Variants in CELSR1 observed in about 807,000 individuals in gnomAD.
CELSR1 encodes cadherin EGF LAG seven-pass G-type receptor 1.
A neutral mutation model predicts 249.1 loss-of-function variants in CELSR1; 110 were observed. The ratio of observed to expected loss-of-function variants is 0.44; its 90% CI spans 0.38 to 0.52. The LOEUF (loss-of-function observed/expected upper bound fraction) is 0.52, where lower values mean the gene tolerates loss of function less well. Among genes scored for constraint, CELSR1 ranks in the 20% least tolerant of loss-of-function variants. The probability of loss-of-function intolerance (pLI) is 0.00; values close to 1 mark genes in which losing one functional copy is unlikely to be tolerated. For synonymous variants in CELSR1, 2,113 were observed against 1,900.0 expected, an observed-to-expected ratio of 1.11 and a Z score of -2.92; for missense variants, 4,109 against 4,296.4, an observed-to-expected ratio of 0.96 and a Z score of 1.22.
In CELSR1 at chr22:46,390,615, C is replaced by A. The variant is rs2079079907; in HGVS notation, c.6251-129G>T. On this transcript the variant is annotated intron_variant, in intron 16 of 34. Transcript: ENST00000674500. The surrounding 1 kb of genome is among the most constrained non-coding windows in gnomAD (Gnocchi z 6.3). ...GTGGTGGTTAGAACCCCATGGGGGC[C>A]AGGAGGTCGACACCAGCGCCCCTCT... 3 of 702,240 alleles carry A rather than the reference C, an allele frequency of 4.3e-6. No individual in the cohort carries two copies. Among genetic ancestry groups the A allele is most frequent in the Non-Finnish European group, 7.0e-6 (3 of 426,534 alleles). 43.5% of individuals were successfully genotyped at this position (702,240 alleles called of 1,614,324 possible). A position where few individuals can be genotyped will look rare whatever the true frequency, so the allele number is the denominator to read the frequency against.
At chr22:46,389,666 A>T (rs2079068440) in intron 17 of CELSR1, among the ~76,000 whole-genome samples, 167 bp from the exon 18 acceptor site, 1 of 152,276 alleles carries the variant, frequency 6.6e-6, no homozygotes, top group Non-Finnish European at 1.5e-5. Flanking sequence ...CTGTAATCCC[A>T]GCACTTTGGG....
intron 1 of CELSR1, among the ~76,000 whole-genome samples, chr22:46,499,707 T>C (rs944448899): frequency 1.8e-4 from 28 of 152,300 alleles, no homozygotes; most frequent in African/African-American, 6.5e-4. Flanking sequence ...TTTCTCAAAC[T>C]GTATCGAGGC....
chr22:46,409,156 G>A lies in CELSR1; in HGVS notation c.5066C>T (p.Pro1689Leu), dbSNP rs2147324820. The change falls in exon 9 of 35, where the codon CCT (proline) becomes CTT (leucine). Residue 1689 changes from proline to leucine, a missense_variant. Pro to Leu is a moderately conservative substitution (Grantham distance 98). This residue lies in a region of CELSR1 where 453 missense variants were observed against 492.0 expected (regional missense o/e 0.92). Transcript: ENST00000674500. This position sits in a 1 kb window ranked among gnomAD's most constrained non-coding sequence, Gnocchi z 9.8. Reference sequence around the variant, plus strand: ...CTCACCGCTGAAGAGCTGGGGGTGAGGCATGGCTGCGGACACAGGCCCAGG... The same window carrying A: ...CTCACCGCTGAAGAGCTGGGGGTGAAGCATGGCTGCGGACACAGGCCCAGG... ...FGGKNCEQAMPHPQLFSGESV... is the reference protein window; with the variant it reads ...FGGKNCEQAMLHPQLFSGESV... 1 of 1,612,912 alleles carries A rather than the reference G, an allele frequency of 6.2e-7. No homozygotes were observed. The highest frequency in any genetic ancestry group is 8.5e-7 in the Non-Finnish European group (1 of 1,179,624).
In CELSR1 at chr22:46,408,106, C is replaced by T. The variant is rs761301520; in HGVS notation, c.5226+890G>A. On this transcript the variant is annotated intron_variant, in intron 9 of 34. Coordinates refer to ENST00000674500, the MANE Select transcript of CELSR1 (RefSeq NM_001378328.1). The surrounding 1 kb of genome is among the most constrained non-coding windows in gnomAD (Gnocchi z 4.6). Reference sequence around the variant, plus strand: ...GAGCATGGAAGATGCGAGCAGAAACCGTGTGGCGCAGAAAACCGGAGGAAA... The same window carrying T: ...GAGCATGGAAGATGCGAGCAGAAACTGTGTGGCGCAGAAAACCGGAGGAAA... Among the ~76,000 whole-genome samples the T allele has an allele frequency of 6.6e-6, 1 of 152,232 alleles. No individual in the cohort carries two copies. Among genetic ancestry groups the T allele is most frequent in the Admixed American group, 6.5e-5 (1 of 15,282 alleles).
intron 1 of CELSR1, among the ~76,000 whole-genome samples, chr22:46,469,999 G>GA (rs1351904268): frequency 3.0e-5 from 4 of 134,724 alleles, no homozygotes; most frequent in Admixed American, 7.3e-5. Flanking sequence ...AGGGAGGGAG[G>GA]GAGAGGCAAA....
In CELSR1 at chr22:46,448,710, C is replaced by A; in HGVS notation, c.4184-9299G>T. 3.3e-6 allele frequency: 1 copy of A among 306,488 alleles called. No individual in the cohort carries two copies. Among genetic ancestry groups the A allele is most frequent in the South Asian group, 2.8e-5 (1 of 36,304 alleles). The allele number at this position is 306,488 out of a possible 1,614,324, so 19.0% of individuals were successfully genotyped here. On this transcript the variant is annotated intron_variant, in intron 2 of 34. Transcript: ENST00000674500. The surrounding 1 kb of genome is among the most constrained non-coding windows in gnomAD (Gnocchi z 5.7). ...GAGAACAAGGAGTGAGTGGAAGGGC[C>A]CGGGAACAGGAACACAGGGCAATTT...
In CELSR1 at chr22:46,535,037, G is replaced by A. The variant is rs192865476; in HGVS notation, c.2134C>T (p.Arg712Cys). 76 of 1,612,374 alleles carry A rather than the reference G, an allele frequency of 4.7e-5. No individual in the cohort carries two copies. In the East Asian group the frequency reaches 5.1e-4, roughly 11 times the overall value. ...VGSSVLTLQA[R>C]DRDANSVITY... Reference sequence around the variant, plus strand: ...ATCACACTGTTGGCGTCACGGTCGCGGGCCTGCAGGGTCAGCACGCTGCTC... The same window carrying A: ...ATCACACTGTTGGCGTCACGGTCGCAGGCCTGCAGGGTCAGCACGCTGCTC... Residue 712 changes from arginine to cysteine, a missense_variant, in exon 1 of 35, where the codon CGC becomes TGC. Arg to Cys is a radical substitution (Grantham distance 180). Around this residue, in one of 7 missense-constraint regions of CELSR1, gnomAD observed 886 missense variants for 896.5 expected, o/e 0.99. Coordinates refer to ENST00000674500, the MANE Select transcript of CELSR1 (RefSeq NM_001378328.1).
intron 2 of CELSR1, among the ~76,000 whole-genome samples, chr22:46,456,525 T>C (rs939780965): frequency 5.9e-5 from 9 of 151,730 alleles, no homozygotes; most frequent in East Asian, 1.9e-4. Flanking sequence ...TAGCCAGGCG[T>C]GGTGGTGGGC....
chr22:46,439,887 G>A lies in CELSR1; in HGVS notation c.4184-476C>T, dbSNP rs957299550. Among the ~76,000 whole-genome samples the A allele has an allele frequency of 2.0e-5, 3 of 152,038 alleles. No individual in the cohort carries two copies. In the South Asian group the frequency reaches 6.2e-4, roughly 32 times the overall value. On this transcript the variant is annotated intron_variant, in intron 2 of 34. Coordinates refer to ENST00000674500, the MANE Select transcript of CELSR1 (RefSeq NM_001378328.1). ...CATGCTGCCATCACATGACCCAAAG[G>A]CCACCTTCTGAGCAGGCCACCTGCC...
At chr22:46,367,147 T>C in intron 28 of CELSR1, 29 bp from the exon 29 acceptor site, 1 of 1,603,476 alleles carries the variant, frequency 6.2e-7, no homozygotes, top group Non-Finnish European at 8.5e-7. Flanking sequence ...GGTCAGCACC[T>C]GCTGCTGCCT....
Position 46,433,354 on chromosome 22 carries a change from C to T in CELSR1, c.4611+39G>A, listed in dbSNP as rs759715973. 29 of 1,553,902 alleles carry T rather than the reference C, an allele frequency of 1.9e-5. No individual in the cohort carries two copies. Among genetic ancestry groups the T allele is most frequent in the South Asian group, 1.0e-4 (9 of 88,834 alleles). On this transcript the variant is annotated intron_variant, in intron 5 of 34. Transcript: ENST00000674500. The surrounding 1 kb of genome is among the most constrained non-coding windows in gnomAD (Gnocchi z 5.7). ...CTCGCCCCAGGGCACCTTCTCGAGC[C>T]GCCCTGGGGCCAGGGGGAAGTGGTG...
intron 5 of CELSR1, among the ~76,000 whole-genome samples, chr22:46,431,812 G>A (rs2079598960): frequency 1.3e-5 from 2 of 152,326 alleles, no homozygotes; most frequent in South Asian, 2.1e-4. Context: ...AAATAAATCC[G>A]CGTCTGTGAG....
chr22:46,363,994 A>C lies in CELSR1; in HGVS notation c.9035+2T>G. ...CCCGCCCTGGAGGCCCAGGCTACTC[A>C]CTCAGAGTCGGAGCCATCGGCCTGG... is the stretch of plus-strand genomic sequence containing the variant. On this transcript the variant is annotated splice_donor_variant, in intron 34 of 34. Transcript: ENST00000674500. LOFTEE classifies it high-confidence loss of function. The surrounding 1 kb of genome is among the most constrained non-coding windows in gnomAD (Gnocchi z 4.3). The C allele has an allele frequency of 6.3e-7, 1 of 1,597,430 alleles. No homozygotes were observed. Among genetic ancestry groups the C allele is most frequent in the Non-Finnish European group, 8.5e-7 (1 of 1,173,060 alleles).
intron 1 of CELSR1, among the ~76,000 whole-genome samples, chr22:46,531,047 T>A (rs879900796): frequency 2.0e-5 from 3 of 152,202 alleles, no homozygotes; most frequent in Non-Finnish European, 4.4e-5. Flanking sequence ...TCCAGATAAT[T>A]CAAGGGCTGA....
rs1348212284 is a variant in CELSR1 at position 46,374,162 on chromosome 22, C to T, written c.7585-1105G>A. On this transcript the variant is annotated intron_variant, in intron 24 of 34. Coordinates refer to ENST00000674500, the MANE Select transcript of CELSR1 (RefSeq NM_001378328.1). This position sits in a 1 kb window ranked among gnomAD's most constrained non-coding sequence, Gnocchi z 4.3. ...GTGGCCTCGGTCAGGAAAGGAGGCG[C>T]GAGCGTGTGGCTGGAGAACTCTACA... 6.6e-6 allele frequency among the ~76,000 whole-genome samples: 1 copy of T among 152,176 alleles called. No individual in the cohort carries two copies. Among genetic ancestry groups the T allele is most frequent in the Non-Finnish European group, 1.5e-5 (1 of 68,036 alleles).
chr22:46,526,533 GCCA>G lies in CELSR1; in HGVS notation c.3544+7091_3544+7093del, dbSNP rs1267922307. On this transcript the variant is annotated intron_variant, in intron 1 of 34. Coordinates refer to ENST00000674500, the MANE Select transcript of CELSR1 (RefSeq NM_001378328.1). This position sits in a 1 kb window ranked among gnomAD's most constrained non-coding sequence, Gnocchi z 4.7. The stretch of plus-strand genomic sequence containing the variant: ...ACCACTCCACTCAGATCTCACAGAG[GCCA>G]CCAAGGACCTGCCCTTGGCTAACCC... Among the ~76,000 whole-genome samples, 2 of 152,220 alleles carry G rather than the reference GCCA, an allele frequency of 1.3e-5. No individual in the cohort carries two copies. Among genetic ancestry groups the G allele is most frequent in the Admixed American group, 1.3e-4 (2 of 15,298 alleles).
chr22:46,378,819 C>G, intron 22 of CELSR1, 102 bp from the exon 23 acceptor site: 1 of 1,441,986 alleles, frequency 6.9e-7, no homozygotes, highest in Non-Finnish European at 9.3e-7. Flanking sequence ...CCAGGCCATC[C>G]TGGCCAAACC....
intron 22 of CELSR1, 147 bp from the exon 23 acceptor site, chr22:46,378,864 G>A (rs1377877188): frequency 2.9e-5 from 29 of 1,017,476 alleles, no homozygotes; most frequent in Non-Finnish European, 3.7e-5. Context: ...AAAGCCCAGC[G>A]CCCTCGCAGG....
intron 1 of CELSR1, among the ~76,000 whole-genome samples, chr22:46,509,374 T>C (rs1208359428): frequency 6.6e-6 from 1 of 152,006 alleles, no homozygotes; most frequent in Non-Finnish European, 1.5e-5. Context: ...CAGGGCAGGG[T>C]TGGGCCAAGC....
Sources: allele counts gnomAD v4.1 joint callset (sites outside exome capture counted in the v4.1 genomes callset), GRCh38; gene constraint gnomAD v4.1.1; regional missense constraint gnomAD v4.1.1; non-coding constraint Gnocchi (gnomAD v3.1); transcripts MANE v1.5; gene names NCBI Gene and HGNC (gene_info 2026-07-23, HGNC 2026-07-21).